Variants in FLRT2 observed in about 807,000 individuals in gnomAD.
The protein encoded by FLRT2 is leucine-rich repeat transmembrane protein FLRT2.
In FLRT2, 15 loss-of-function variants were observed where a neutral mutation model predicts 40.0. The ratio of observed to expected loss-of-function variants is 0.38; its 90% CI spans 0.25 to 0.58. The LOEUF (loss-of-function observed/expected upper bound fraction) is 0.58, where lower values mean the gene tolerates loss of function less well. Ranked by LOEUF, FLRT2 falls within the 20% of genes least tolerant of loss-of-function variation. The pLI, the probability that FLRT2 is intolerant of heterozygous loss-of-function variation, is 0.71. For synonymous variants in FLRT2, 380 were observed against 336.8 expected (o/e 1.13, Z -1.41); for missense variants, 726 against 840.0 (o/e 0.86, Z 1.68).
At chr14:85,546,616 G>A (rs539010732) in intron 1 of FLRT2, among the ~76,000 whole-genome samples, 1 of 152,152 alleles carries the variant, frequency 6.6e-6, no homozygotes, top group Non-Finnish European at 1.5e-5. Flanking sequence ...GGGTAGAACC[G>A]AAACGCTTGC....
chr14:85,614,773 G>A (rs895567905), intron 1 of FLRT2, among the ~76,000 whole-genome samples: 6 of 152,038 alleles, frequency 3.9e-5, no homozygotes, highest in African/African-American at 1.5e-4. Flanking sequence ...TGATGAGGGG[G>A]AAATATTTTT....
At chr14:85,534,242 T>C (rs951192714) in intron 1 of FLRT2, among the ~76,000 whole-genome samples, 1 of 152,170 alleles carries the variant, frequency 6.6e-6, no homozygotes, top group African/African-American at 2.4e-5. Flanking sequence ...TTGTAGCTCT[T>C]TGGAAATTTG....
Position 85,623,271 on chromosome 14 carries a change from A to G in FLRT2, c.1757A>G (p.Asp586Gly), listed in dbSNP as rs752536869. The change falls in exon 2 of 2, where the codon GAT (aspartate) becomes GGT (glycine). Residue 586 changes from aspartate (D) to glycine (G), a missense_variant. Around this residue, in one of 3 missense-constraint regions of FLRT2, gnomAD observed 611 missense variants for 690.0 expected, o/e 0.89. Coordinates refer to ENST00000330753, the MANE Select transcript of FLRT2 (RefSeq NM_013231.6). The stretch of plus-strand genomic sequence containing the variant: ...AAATACAACCGGGGCCGGCGGAAAG[A>G]TGATTATTGCGAGGCAGGCACCAAG... ...KWKYNRGRRK[D>G]DYCEAGTKKD... The G allele has an allele frequency of 3.3e-6, 5 of 1,516,052 alleles. No homozygotes were observed. Among genetic ancestry groups the G allele is most frequent in the Middle Eastern group, 1.8e-4 (1 of 5,598 alleles). 93.9% of individuals were successfully genotyped at this position (1,516,052 alleles called of 1,614,324 possible).
At position 85,636,953 on chromosome 14, in the gene FLRT2, A is replaced by AAAAG. The variant is rs1894022475; in HGVS notation, c.*13457_*13458insAAGA. 6.7e-6 allele frequency: 1 copy of AAAAG among 150,352 alleles called. No homozygotes were observed. The highest frequency in any genetic ancestry group is 1.5e-5 in the Non-Finnish European group (1 of 67,652). The allele number at this position is 150,352 out of a possible 1,614,324, so 9.3% of individuals were successfully genotyped here. The stretch of plus-strand genomic sequence containing the variant: ...CCAAAAAAAAAAAAAAAAAAAAAAA[A>AAAAG]AGAGAGAGACTAACATTCTAACAGA... On this transcript the variant is annotated 3_prime_UTR_variant, in exon 2 of 2. Coordinates refer to ENST00000330753, the MANE Select transcript of FLRT2 (RefSeq NM_013231.6).
In FLRT2 at chr14:85,622,723, G is replaced by A. The variant is rs1473428516; in HGVS notation, c.1209G>A (p.Ser403=). Reference sequence around the variant, plus strand: ...ACACGCCTCCAACTCCTACCACATCGAAACTTCCCACGATTCCTGACTGGG... The same window carrying A: ...ACACGCCTCCAACTCCTACCACATCAAAACTTCCCACGATTCCTGACTGGG... ...RSYTPPTPTT[S]KLPTIPDWDG... is the part of the protein sequence containing the mutation. Residue 403 remains serine, a synonymous_variant, in exon 2 of 2, where the codon TCG becomes TCA. Transcript: ENST00000330753. 2 of 1,613,854 alleles carry A rather than the reference G, an allele frequency of 1.2e-6. No homozygotes were observed. The highest frequency in any genetic ancestry group is 1.7e-6 in the Non-Finnish European group (2 of 1,179,974).
rs1322562542 is a variant in FLRT2, at chr14:85,641,366, G to A, written c.*17869G>A. ...GGTTCTACCAATTACAGGCACGTGTGCAGGATTTTCAAGGTAGAAGTGAAG... is the reference window on the plus strand; with the variant it reads ...GGTTCTACCAATTACAGGCACGTGTACAGGATTTTCAAGGTAGAAGTGAAG... On this transcript the variant is annotated 3_prime_UTR_variant, in exon 2 of 2. Coordinates refer to ENST00000330753, the MANE Select transcript of FLRT2 (RefSeq NM_013231.6). 6.6e-6 allele frequency: 1 copy of A among 152,226 alleles called. No individual in the cohort carries two copies. The highest frequency in any genetic ancestry group is 2.4e-5 in the African/African-American group (1 of 41,464). 9.4% of individuals were successfully genotyped at this position (152,226 alleles called of 1,614,324 possible). A position where few individuals can be genotyped will look rare whatever the true frequency, so the allele number is the denominator to read the frequency against.
At chr14:85,577,957 T>G (rs1419188184) in intron 1 of FLRT2, among the ~76,000 whole-genome samples, 1 of 151,740 alleles carries the variant, frequency 6.6e-6, no homozygotes, top group Non-Finnish European at 1.5e-5. Context: ...TGGCCTTTAT[T>G]CAGGAAATGG....
intron 1 of FLRT2, among the ~76,000 whole-genome samples, chr14:85,617,737 C>T (rs374822769): frequency 2.0e-5 from 3 of 152,104 alleles, no homozygotes; most frequent in African/African-American, 7.2e-5. Flanking sequence ...TGTTGATACA[C>T]GGAACAGAAC....
intron 1 of FLRT2, among the ~76,000 whole-genome samples, chr14:85,573,340 C>T (rs990174012): frequency 6.6e-6 from 1 of 152,092 alleles, no homozygotes; most frequent in Non-Finnish European, 1.5e-5. Flanking sequence ...CATACACACA[C>T]ATCTTTGGGA....
intron 1 of FLRT2, among the ~76,000 whole-genome samples, chr14:85,533,972 G>C (rs1462528680): frequency 6.6e-6 from 1 of 152,182 alleles, no homozygotes; most frequent in African/African-American, 2.4e-5. Context: ...GGGCTGGAAG[G>C]AGACCTCGAG....
chr14:85,573,531 G>A (rs1890992845), intron 1 of FLRT2, among the ~76,000 whole-genome samples: 1 of 152,144 alleles, frequency 6.6e-6, no homozygotes, highest in African/African-American at 2.4e-5. Context: ...GCTTTGTAAT[G>A]AAGGAGTTTG....
In FLRT2 at chr14:85,581,342, C is replaced by G. The variant is rs552167811; in HGVS notation, c.-376-39797C>G. 3.3e-5 allele frequency among the ~76,000 whole-genome samples: 5 copies of G among 152,312 alleles called. No homozygotes were observed. In the East Asian group the frequency reaches 7.7e-4, roughly 24 times the overall value. On this transcript the variant is annotated intron_variant, in intron 1 of 1. Transcript: ENST00000330753. ...TCTGAATGACAAGCCCTTGGCTTCA[C>G]GTGGCTCATAACAGGATACCACTTA...
In FLRT2 at chr14:85,637,333, G is replaced by A. The variant is rs946295066; in HGVS notation, c.*13836G>A. On this transcript the variant is annotated 3_prime_UTR_variant, in exon 2 of 2. Coordinates refer to ENST00000330753, the MANE Select transcript of FLRT2 (RefSeq NM_013231.6). ...TGGTAGGAAAAGCATTAGCTTTGGC[G>A]TTCAAATATTGACTCATTCACTTAC... is the stretch of plus-strand genomic sequence containing the variant. The A allele has an allele frequency of 3.0e-4, 45 of 152,246 alleles. No individual in the cohort carries two copies. The highest frequency in any genetic ancestry group is 8.9e-4 in the African/African-American group (37 of 41,552). 9.4% of individuals were successfully genotyped at this position (152,246 alleles called of 1,614,324 possible).
At chr14:85,573,365 A>T (rs1046110249) in intron 1 of FLRT2, among the ~76,000 whole-genome samples, 21 of 151,960 alleles carry the variant, frequency 1.4e-4, no homozygotes, top group African/African-American at 4.8e-4. Flanking sequence ...AAAGTAATTG[A>T]GTTTTATTTT....
intron 1 of FLRT2, among the ~76,000 whole-genome samples, chr14:85,586,153 A>G (rs1240936687): frequency 6.7e-6 from 1 of 148,890 alleles, no homozygotes; most frequent in African/African-American, 2.4e-5. Context: ...ATATGTATAT[A>G]TATTACATAT....
Position 85,633,854 on chromosome 14 carries a change from C to A in FLRT2, c.*10357C>A, listed in dbSNP as rs982679867. ...ATATTGTTTCAAAAATCTATAATTT[C>A]TAGTAAGACATAGTTTTATTTGATG... On this transcript the variant is annotated 3_prime_UTR_variant, in exon 2 of 2. Transcript: ENST00000330753. 2 of 151,808 alleles carry A rather than the reference C, an allele frequency of 1.3e-5. No individual in the cohort carries two copies. Among genetic ancestry groups the A allele is most frequent in the Admixed American group, 1.3e-4 (2 of 15,220 alleles). 9.4% of individuals were successfully genotyped at this position (151,808 alleles called of 1,614,324 possible). A position where few individuals can be genotyped will look rare whatever the true frequency, so the allele number is the denominator to read the frequency against.
intron 1 of FLRT2, among the ~76,000 whole-genome samples, chr14:85,611,115 C>T (rs536242405): frequency 4.5e-4 from 68 of 152,204 alleles, no homozygotes; most frequent in African/African-American, 1.6e-3. Flanking sequence ...AGGCTGGTCT[C>T]GAACTCCTGA....
Position 85,587,303 on chromosome 14 carries a change from A to AAG in FLRT2, c.-376-33835_-376-33834insGA, listed in dbSNP as rs750181564. On this transcript the variant is annotated intron_variant, in intron 1 of 1. Coordinates refer to ENST00000330753, the MANE Select transcript of FLRT2 (RefSeq NM_013231.6). ...TAAGGAATGGAAAAAAAAAAAAAAAAAAGAAGAAAGCAGAGCTCATCTTGA... is the reference window on the plus strand; with the variant it reads ...TAAGGAATGGAAAAAAAAAAAAAAAAAGAAGAAGAAAGCAGAGCTCATCTTGA... Among the ~76,000 whole-genome samples, 284 of 147,646 alleles carry AAG rather than the reference A, an allele frequency of 1.9e-3. 3 individuals carry two copies. Among genetic ancestry groups the AAG allele is most frequent in the East Asian group, 9.4e-3 (47 of 5,004 alleles).
intron 1 of FLRT2, among the ~76,000 whole-genome samples, chr14:85,595,516 C>A (rs1362980838): frequency 4.1e-5 from 5 of 120,962 alleles, no homozygotes; most frequent in Non-Finnish European, 9.1e-5. Context: ...GATTTGCATA[C>A]ATTTCAAGTA....
Sources: gnomAD v4.1 joint callset for allele counts (sites outside exome capture counted in the v4.1 genomes callset) on GRCh38, gnomAD v4.1.1 for gene constraint, gnomAD v4.1.1 regional missense constraint, MANE v1.5 for transcripts, NCBI Gene and HGNC (gene_info 2026-07-23, HGNC 2026-07-21) for gene names.